Variants in CACNA2D4 observed in about 807,000 individuals in gnomAD.
CACNA2D4 encodes calcium voltage-gated channel auxiliary subunit alpha2delta 4.
CACNA2D4 carries 157 observed loss-of-function variants against 163.8 expected under a neutral mutation model. The observed-to-expected ratio is 0.96, with a 90% CI of 0.84 to 1.09. CACNA2D4 has a LOEUF of 1.09. CACNA2D4 is among the 50% of genes least tolerant of loss of function. The pLI is 0.00. For synonymous variants in CACNA2D4, 598 were observed against 586.9 expected (o/e 1.02, Z -0.27); for missense variants, 1,410 against 1,479.9 (o/e 0.95, Z 0.78).
In CACNA2D4 at chr12:1,886,289, A is replaced by C. The variant is rs1211623051; in HGVS notation, c.927T>G (p.Ile309Met). Residue 309 changes from isoleucine (I) to methionine (M), a missense_variant, in exon 8 of 38, where the codon ATT becomes ATG. Physicochemically the swap from Ile to Met is conservative, Grantham distance 10. Transcript: ENST00000382722. ...SGSMKGLRMTIAKHTITTILD... is the reference protein window; with the variant it reads ...SGSMKGLRMTMAKHTITTILD... Reference sequence around the variant, plus strand: ...AGATGGTGGTGATGGTGTGCTTGGCAATAGTCATCCTCAGCCCCTTCATAC... The same window carrying C: ...AGATGGTGGTGATGGTGTGCTTGGCCATAGTCATCCTCAGCCCCTTCATAC... 1 of 1,613,660 alleles carries C rather than the reference A, an allele frequency of 6.2e-7. No individual in the cohort carries two copies. Among genetic ancestry groups the C allele is most frequent in the African/African-American group, 1.3e-5 (1 of 74,900 alleles).
At chr12:1,856,312 T>G in intron 20 of CACNA2D4, 83 bp from the exon 21 acceptor site, 3 of 1,466,310 alleles carry the variant, frequency 2.0e-6, no homozygotes, top group Non-Finnish European at 2.9e-6. Flanking sequence ...AGCCACCCAG[T>G]GAGTTTCTAA....
At chr12:1,841,565 C>T (rs1051216301) in intron 25 of CACNA2D4, among the ~76,000 whole-genome samples, 1 of 152,232 alleles carries the variant, frequency 6.6e-6, no homozygotes, top group Non-Finnish European at 1.5e-5. Flanking sequence ...TTCGGGGCCT[C>T]AGGCTTCTTA....
rs540612893 is a variant in CACNA2D4, at chr12:1,829,167, T to TG, written c.2551+11571dup. 7.8e-3 allele frequency among the ~76,000 whole-genome samples: 1,192 copies of TG among 151,864 alleles called. 8 individuals are homozygous for TG. The highest frequency in any genetic ancestry group is 0.028 in the African/African-American group (1,155 of 41,384). On this transcript the variant is annotated intron_variant, in intron 26 of 37. Transcript: ENST00000382722. The surrounding 1 kb of genome is among the most constrained non-coding windows in gnomAD (Gnocchi z 4.2). The stretch of plus-strand genomic sequence containing the variant: ...TATGCCACCTTGATCTCCAGGGAGG[T>TG]GGGGGGCGCAGGGAGTCGCTCTTCC...
At chr12:1,903,649 C>T (rs1401363663) in intron 6 of CACNA2D4, among the ~76,000 whole-genome samples, 1 of 151,878 alleles carries the variant, frequency 6.6e-6, no homozygotes. Flanking sequence ...CAGAGAAACA[C>T]AAATCAAAAC....
At chr12:1,913,478 G>A (rs1866885752) in intron 2 of CACNA2D4, among the ~76,000 whole-genome samples, 1 of 152,198 alleles carries the variant, frequency 6.6e-6, no homozygotes, top group African/African-American at 2.4e-5. Context: ...GGTCTCTCAG[G>A]CATCCCCAGC....
chr12:1,871,282 C>T (rs1565721094), intron 18 of CACNA2D4, among the ~76,000 whole-genome samples: 1 of 136,316 alleles, frequency 7.3e-6, no homozygotes, highest in Non-Finnish European at 1.5e-5. Flanking sequence ...TGTGTGTGTA[C>T]ACCTGTATGT....
At chr12:1,800,980 T>G in intron 31 of CACNA2D4, 63 bp downstream of exon 31, 2 of 1,502,840 alleles carry the variant, frequency 1.3e-6, no homozygotes, top group Non-Finnish European at 1.8e-6. Context: ...AGTGACCTCA[T>G]TCCAGGACAG....
chr12:1,880,334 C>T (rs1174736400), intron 13 of CACNA2D4, among the ~76,000 whole-genome samples: 1 of 152,228 alleles, frequency 6.6e-6, no homozygotes, highest in Non-Finnish European at 1.5e-5. Context: ...CCAGAGCTAC[C>T]CAGAAACACA....
intron 6 of CACNA2D4, among the ~76,000 whole-genome samples, chr12:1,904,237 G>A (rs565304842): frequency 1.3e-5 from 2 of 152,088 alleles, no homozygotes; most frequent in South Asian, 4.1e-4. Context: ...TAGCGATGGG[G>A]TTGGGGAGAA....
chr12:1,827,365 C>G (rs1565691113), intron 26 of CACNA2D4: 1 of 153,044 alleles, frequency 6.5e-6, no homozygotes, highest in Non-Finnish European at 1.5e-5. Flanking sequence ...AGCGCCCCTA[C>G]TCTGCGTTCT....
intron 26 of CACNA2D4, among the ~76,000 whole-genome samples, chr12:1,819,848 C>T (rs1164446350): frequency 2.6e-5 from 4 of 152,156 alleles, no homozygotes; most frequent in Non-Finnish European, 5.9e-5. Flanking sequence ...CTGCTGCAGG[C>T]TGCCCTGTGC....
At chr12:1,882,771 C>A in intron 13 of CACNA2D4, 96 bp downstream of exon 13, 1 of 1,335,114 alleles carries the variant, frequency 7.5e-7, no homozygotes. Flanking sequence ...AGGTGCTAGG[C>A]CCACCCCTTT....
chr12:1,798,034 C>A lies in CACNA2D4; in HGVS notation c.2996-499G>T, dbSNP rs560948607. On this transcript the variant is annotated intron_variant, in intron 34 of 37. Transcript: ENST00000382722. This position sits in a 1 kb window ranked among gnomAD's most constrained non-coding sequence, Gnocchi z 4.3. Reference sequence around the variant, plus strand: ...CCACACTCCACCCATTGAGCCTGAGCGCCTGCGGTGGGGGCAGCCGGGCAG... The same window carrying A: ...CCACACTCCACCCATTGAGCCTGAGAGCCTGCGGTGGGGGCAGCCGGGCAG... Among the ~76,000 whole-genome samples the A allele has an allele frequency of 2.5e-4, 38 of 152,060 alleles. No homozygotes were observed. The highest frequency in any genetic ancestry group is 8.7e-4 in the African/African-American group (36 of 41,492).
chr12:1,828,246 G>A lies in CACNA2D4; in HGVS notation c.2551+12493C>T, dbSNP rs758708819. ...TACACCCCTGGCCTCGGAGGGGGGT[G>A]CGGGTTGGGTGGGGGTGCCGAGGTG... On this transcript the variant is annotated intron_variant, in intron 26 of 37. Coordinates refer to ENST00000382722, the MANE Select transcript of CACNA2D4 (RefSeq NM_172364.5). This position sits in a 1 kb window ranked among gnomAD's most constrained non-coding sequence, Gnocchi z 4.2. 392 of 1,525,558 alleles carry A rather than the reference G, an allele frequency of 2.6e-4. 1 individual carries two copies. The highest frequency in any genetic ancestry group is 2.2e-4 in the Non-Finnish European group (253 of 1,133,328). 94.5% of individuals were successfully genotyped at this position (1,525,558 alleles called of 1,614,324 possible). A position where few individuals can be genotyped will look rare whatever the true frequency, so the allele number is the denominator to read the frequency against.
intron 20 of CACNA2D4, among the ~76,000 whole-genome samples, chr12:1,857,656 G>T (rs1203577728): frequency 6.6e-6 from 1 of 152,156 alleles, no homozygotes; most frequent in Admixed American, 6.5e-5. Flanking sequence ...AGGTGATTGG[G>T]CCACAGTAAG....
chr12:1,813,455 A>C (rs1355907754), intron 26 of CACNA2D4, among the ~76,000 whole-genome samples: 1 of 152,250 alleles, frequency 6.6e-6, no homozygotes, highest in East Asian at 1.9e-4. Context: ...GGTAGCCAAC[A>C]GCCACACGTG....
intron 26 of CACNA2D4, among the ~76,000 whole-genome samples, chr12:1,826,495 G>C (rs1427915231): frequency 6.6e-6 from 1 of 150,666 alleles, no homozygotes; most frequent in Non-Finnish European, 1.5e-5. Context: ...ACGCTCAGGG[G>C]CTCCTCCACC....
chr12:1,840,662 C>T (rs1482703232), intron 26 of CACNA2D4, 77 bp downstream of exon 26: 3 of 1,245,424 alleles, frequency 2.4e-6, no homozygotes, highest in African/African-American at 1.5e-5. Context: ...TGTGCAGGGC[C>T]TTCTGCTGTG....
intron 1 of CACNA2D4, chr12:1,915,284 C>T: frequency 1.4e-6 from 1 of 702,468 alleles, no homozygotes; most frequent in South Asian, 1.5e-5. Flanking sequence ...CTGCTGTGTG[C>T]TGAATGTCCT....
Sources: gnomAD v4.1 joint callset for allele counts (sites outside exome capture counted in the v4.1 genomes callset) on GRCh38, gnomAD v4.1.1 for gene constraint, Gnocchi (gnomAD v3.1) non-coding constraint, MANE v1.5 for transcripts, NCBI Gene and HGNC (gene_info 2026-07-23, HGNC 2026-07-21) for gene names.